The following TSPAN14 variants were observed in gnomAD, a reference collection of about 807,000 sequenced individuals.
The protein encoded by TSPAN14 is tetraspanin-14.
Under a neutral mutation model 36.6 loss-of-function variants are expected in TSPAN14, and 16 were observed. The observed-to-expected ratio is 0.44, with a 90% CI of 0.30 to 0.66. The LOEUF (loss-of-function observed/expected upper bound fraction) is 0.66, where lower values mean the gene tolerates loss of function less well. Among genes scored for constraint, TSPAN14 ranks in the 30% least tolerant of loss-of-function variants. The pLI, the probability that TSPAN14 is intolerant of heterozygous loss-of-function variation, is 0.12. For missense variants in TSPAN14, 231 were observed against 355.1 expected (o/e 0.65, Z 2.81); for synonymous variants, 139 against 143.8 (o/e 0.97, Z 0.24).
At chr10:80,491,983 G>A (rs546141218) in intron 2 of TSPAN14, among the ~76,000 whole-genome samples, 11 of 152,160 alleles carry the variant, frequency 7.2e-5, no homozygotes, top group Non-Finnish European at 1.2e-4. Context: ...GGCCTGAGAT[G>A]GGCGCACAGA....
chr10:80,502,548 G>C (rs189417479), intron 2 of TSPAN14, among the ~76,000 whole-genome samples: 203 of 152,186 alleles, frequency 1.3e-3, no homozygotes, highest in African/African-American at 4.7e-3. Flanking sequence ...GTTGAGTGTA[G>C]GGCAAAAGAG....
intron 3 of TSPAN14, among the ~76,000 whole-genome samples, chr10:80,505,676 A>G (rs1296664066): frequency 2.0e-5 from 3 of 152,172 alleles, no homozygotes; most frequent in African/African-American, 7.2e-5. Context: ...CCTAAAGGGC[A>G]AGAGCTGGGG....
intron 1 of TSPAN14, among the ~76,000 whole-genome samples, chr10:80,472,566 A>C (rs1295006970): frequency 2.6e-5 from 4 of 152,232 alleles, no homozygotes; most frequent in Admixed American, 2.6e-4. Context: ...TTTAGGACCC[A>C]TTGCAGATTC....
At chr10:80,516,552 G>A (rs141827550) in intron 8 of TSPAN14, among the ~76,000 whole-genome samples, 5 of 152,250 alleles carry the variant, frequency 3.3e-5, no homozygotes, top group Admixed American at 2.0e-4. Context: ...CCCTCTGGGC[G>A]GGGGCAGGCT....
At chr10:80,460,880 T>G (rs1332395647) in intron 1 of TSPAN14, among the ~76,000 whole-genome samples, 4 of 152,130 alleles carry the variant, frequency 2.6e-5, no homozygotes, top group Non-Finnish European at 5.9e-5. Context: ...TCTGACAACT[T>G]TGTGGTTCTC....
At chr10:80,496,607 C>T (rs1393701775) in intron 2 of TSPAN14, among the ~76,000 whole-genome samples, 1 of 152,152 alleles carries the variant, frequency 6.6e-6, no homozygotes, top group Non-Finnish European at 1.5e-5. Flanking sequence ...TGTCCCATTT[C>T]CCTAGGACAT....
chr10:80,515,923 G>A (rs61861574), intron 7 of TSPAN14: 2 of 428,592 alleles, frequency 4.7e-6, no homozygotes, highest in Non-Finnish European at 8.4e-6. Flanking sequence ...TGGATGGTGG[G>A]GAAGGGTATC....
chr10:80,498,653 GC>G lies in TSPAN14; in HGVS notation c.82-6074del, dbSNP rs576021089. Among the ~76,000 whole-genome samples, 12 of 152,362 alleles carry G rather than the reference GC, an allele frequency of 7.9e-5. No individual in the cohort carries two copies. In the South Asian group the frequency reaches 2.5e-3, roughly 32 times the overall value. ...AGAAGGAGACTCTGTCTTCAGGACA[GC>G]AGATGCTTGTGGCATATCCTTGAAC... On this transcript the variant is annotated intron_variant, in intron 2 of 8. Coordinates refer to ENST00000429989, the Ensembl canonical transcript of TSPAN14.
intron 7 of TSPAN14, 93 bp from the exon 8 acceptor site, chr10:80,516,111 G>T: frequency 6.3e-7 from 1 of 1,590,158 alleles, no homozygotes; most frequent in Non-Finnish European, 8.6e-7. Flanking sequence ...TTCCCACCCT[G>T]CTTTGCCCTG....
chr10:80,458,031 G>C (rs1845807832), intron 1 of TSPAN14, among the ~76,000 whole-genome samples: 1 of 152,180 alleles, frequency 6.6e-6, no homozygotes, highest in Admixed American at 6.5e-5. Context: ...AAGGGGATTA[G>C]GTTCCTGCTG....
chr10:80,482,091 A>C (rs757749085), intron 1 of TSPAN14, among the ~76,000 whole-genome samples: 28 of 152,228 alleles, frequency 1.8e-4, no homozygotes, highest in Non-Finnish European at 1.5e-5. Flanking sequence ...GGGTGTAAAC[A>C]TCAAGAGTCA....
exon 9 of TSPAN14, chr10:80,522,363 T>G (rs1186205600): frequency 6.6e-6 from 1 of 151,916 alleles, no homozygotes; most frequent in South Asian, 2.1e-4. Context: ...ATACAAAAAT[T>G]AGTCGGGCAT....
At chr10:80,458,617 G>A (rs1845834631) in intron 1 of TSPAN14, among the ~76,000 whole-genome samples, 1 of 152,218 alleles carries the variant, frequency 6.6e-6, no homozygotes, top group African/African-American at 2.4e-5. Flanking sequence ...TACCCAGGGA[G>A]CTGCGTAGAA....
chr10:80,483,911 CAAAAAAAAAAAAAAAAAAAAAAAAA>C (rs57795678), intron 1 of TSPAN14, among the ~76,000 whole-genome samples: 2 of 16,528 alleles, frequency 1.2e-4, no homozygotes, highest in Admixed American at 1.1e-3. Context: ...ACTCTTGTCT[CAAAAAAAAAAAAAAAAAAAAAAAAA>C]AAAAAAAAAA....
chr10:80,511,773 C>CTCT (rs1840665069), intron 5 of TSPAN14, among the ~76,000 whole-genome samples: 1 of 101,670 alleles, frequency 9.8e-6, no homozygotes, highest in Non-Finnish European at 1.9e-5. Context: ...TCTCTCTCTC[C>CTCT]CCTTTTTTCT....
At chr10:80,465,469 A>C (rs1268064354) in intron 1 of TSPAN14, among the ~76,000 whole-genome samples, 1 of 152,180 alleles carries the variant, frequency 6.6e-6, no homozygotes. Flanking sequence ...GGTGGGGTGG[A>C]AACCCTTGTG....
At chr10:80,476,486 G>C (rs989900037) in intron 1 of TSPAN14, among the ~76,000 whole-genome samples, 1 of 130,262 alleles carries the variant, frequency 7.7e-6, no homozygotes, top group African/African-American at 3.0e-5. Flanking sequence ...CGAGATCTCT[G>C]CTCACTGCAA....
chr10:80,516,465 A>G (rs1198930068), intron 8 of TSPAN14, 142 bp downstream of exon 8: 1 of 1,260,054 alleles, frequency 7.9e-7, no homozygotes, highest in African/African-American at 1.5e-5. Flanking sequence ...CTGGATGTCC[A>G]AGGCTGAGAG....
chr10:80,486,707 C>T (rs1000602134), intron 1 of TSPAN14, among the ~76,000 whole-genome samples: 5 of 152,024 alleles, frequency 3.3e-5, no homozygotes, highest in Non-Finnish European at 5.9e-5. Context: ...AGAGAGGAGG[C>T]GGGATTGTCT....
Sources: allele counts gnomAD v4.1 joint callset (sites outside exome capture counted in the v4.1 genomes callset), GRCh38; gene constraint gnomAD v4.1.1; transcripts MANE v1.5; gene names NCBI Gene and HGNC (gene_info 2026-07-23, HGNC 2026-07-21).